Variants in OVCH1 observed in about 807,000 individuals in gnomAD.
The protein encoded by OVCH1 is ovochymase 1, also known as ovochymase-1.
Under a neutral mutation model 138.4 loss-of-function variants are expected in OVCH1, and 139 were observed. The ratio of observed to expected loss-of-function variants is 1.00; its 90% CI spans 0.87 to 1.16. The LOEUF is 1.16. OVCH1 is among the 50% of genes most tolerant of loss of function. OVCH1 has a pLI of 0.00. For synonymous variants in OVCH1, 453 were observed against 467.8 expected, an observed-to-expected ratio of 0.97 and a Z score of 0.41; for missense variants, 1,367 against 1,357.9, an observed-to-expected ratio of 1.01 and a Z score of -0.11.
In OVCH1 at chr12:29,449,292, C is replaced by CACAT. The variant is rs1215630287; in HGVS notation, c.2755+2052_2755+2053insATGT. 7.0e-5 allele frequency among the ~76,000 whole-genome samples: 10 copies of CACAT among 143,552 alleles called. No homozygotes were observed. The East Asian group carries it at 1.6e-3, about 23-fold the overall frequency. 94.2% of individuals were successfully genotyped at this position (143,552 alleles called of 152,430 possible). A position where few individuals can be genotyped will look rare whatever the true frequency, so the allele number is the denominator to read the frequency against. On this transcript the variant is annotated intron_variant, in intron 22 of 27. Coordinates refer to ENST00000318184, the Ensembl canonical transcript of OVCH1. ...CCCCCTCCCTACACACACACACACACACACACACACACACACACACACACA... is the reference window on the plus strand; with the variant it reads ...CCCCCTCCCTACACACACACACACACACATACACACACACACACACACACACACA...
At chr12:29,488,999 C>CT (rs3842288) in intron 6 of OVCH1, among the ~76,000 whole-genome samples, 3,060 of 151,870 alleles carry the variant, frequency 0.02, 40 homozygotes, top group African/African-American at 0.039. Context: ...TTTCAAGCTG[C>CT]TTTTTGGCCA....
chr12:29,497,639 G>A (rs773277161), exon 1 of OVCH1: 66 of 1,613,824 alleles, frequency 4.1e-5, no homozygotes, highest in Middle Eastern at 3.3e-4. Context: ...TTCTGGGGTG[G>A]CCGATGACCA....
At chr12:29,456,368 A>AT (rs1941951192) in intron 19 of OVCH1, among the ~76,000 whole-genome samples, 1 of 152,190 alleles carries the variant, frequency 6.6e-6, no homozygotes, top group Non-Finnish European at 1.5e-5. Flanking sequence ...CTTATAGTTA[A>AT]TTTTTTGTAC....
intron 8 of OVCH1, 68 bp downstream of exon 8, chr12:29,486,182 C>T (rs908532108): frequency 1.4e-6 from 2 of 1,384,524 alleles, no homozygotes; most frequent in South Asian, 1.2e-5. Context: ...TGGTACAATC[C>T]TCCTGTTTGC....
At chr12:29,417,562 T>C (rs935587674) in intron 3 of OVCH1, among the ~76,000 whole-genome samples, 2 of 151,554 alleles carry the variant, frequency 1.3e-5, no homozygotes, top group African/African-American at 4.9e-5. Context: ...TAAGATATTA[T>C]CAGTGGGGGA....
At chr12:29,411,797 T>A, downstream of OVCH1, among the ~76,000 whole-genome samples, 1 of 46,360 alleles carries the variant, frequency 2.2e-5, no homozygotes, top group East Asian at 6.8e-4. Flanking sequence ...TTCTCAGATA[T>A]CCAGCTGCAT....
At chr12:29,487,217 G>C in intron 7 of OVCH1, 1 of 192,622 alleles carries the variant, frequency 5.2e-6, no homozygotes, top group Non-Finnish European at 1.1e-5. Flanking sequence ...CGACAGGTTT[G>C]GTATCTCCAG....
intron 8 of OVCH1, among the ~76,000 whole-genome samples, chr12:29,479,747 T>C (rs1592099447): frequency 6.6e-6 from 1 of 152,180 alleles, no homozygotes; most frequent in East Asian, 1.9e-4. Context: ...GTCAAGTATT[T>C]TATGCCCAGT....
intron 21 of OVCH1, among the ~76,000 whole-genome samples, 156 bp downstream of exon 21, chr12:29,454,685 A>T (rs768586581): frequency 2.0e-5 from 3 of 152,174 alleles, no homozygotes; most frequent in Admixed American, 2.0e-4. Flanking sequence ...CAACAATCTT[A>T]ATAACAACTC....
chr12:29,473,251 G>A (rs1369623465), intron 14 of OVCH1, 148 bp from the exon 15 acceptor site: 1 of 583,934 alleles, frequency 1.7e-6, no homozygotes, highest in Non-Finnish European at 3.0e-6. Context: ...TCCCAGAAAT[G>A]TGATTTCTTG....
At chr12:29,482,998 C>T (rs1942982144) in intron 8 of OVCH1, among the ~76,000 whole-genome samples, 1 of 152,206 alleles carries the variant, frequency 6.6e-6, no homozygotes, top group Non-Finnish European at 1.5e-5. Flanking sequence ...CTTCTAACTT[C>T]TACCCAGTGG....
intron 26 of OVCH1, chr12:29,433,837 A>C: frequency 7.2e-7 from 1 of 1,380,234 alleles, no homozygotes; most frequent in Non-Finnish European, 9.7e-7. Flanking sequence ...AAATGTTTTT[A>C]ATGGAAATGC....
chr12:29,496,819 T>C, intron 1 of OVCH1, 145 bp from the exon 2 acceptor site: 1 of 616,718 alleles, frequency 1.6e-6, no homozygotes, highest in Non-Finnish European at 2.8e-6. Flanking sequence ...TCTCTCAATA[T>C]TTTCTTCAGA....
At chr12:29,410,271 A>T (rs1940937939), downstream of OVCH1, among the ~76,000 whole-genome samples, 1 of 145,396 alleles carries the variant, frequency 6.9e-6, no homozygotes, top group Non-Finnish European at 1.5e-5. Context: ...CCAATTTGCC[A>T]GTCTTTGTCT....
intron 14 of OVCH1, among the ~76,000 whole-genome samples, chr12:29,473,662 C>T (rs540185933): frequency 2.8e-4 from 43 of 152,214 alleles, no homozygotes; most frequent in African/African-American, 8.9e-4. Flanking sequence ...CCTCGCCATT[C>T]AAGCTAGGAT....
At chr12:29,486,399 T>G (rs1943108519) in intron 7 of OVCH1, 51 bp from the exon 8 acceptor site, 1 of 1,368,828 alleles carries the variant, frequency 7.3e-7, no homozygotes. Flanking sequence ...ATCATTTAAA[T>G]AAAACATTTT....
intron 27 of OVCH1, among the ~76,000 whole-genome samples, chr12:29,429,964 A>G (rs777034212): frequency 1.1e-4 from 16 of 152,174 alleles, no homozygotes; most frequent in Non-Finnish European, 1.9e-4. Flanking sequence ...CCACTTCAAA[A>G]GCAAACAGCC....
chr12:29,427,404 G>GATC (rs1941197048), downstream of OVCH1, among the ~76,000 whole-genome samples: 1 of 152,186 alleles, frequency 6.6e-6, no homozygotes, highest in Non-Finnish European at 1.5e-5. Flanking sequence ...ATCAGGCCAT[G>GATC]ATCAATCCCT....
At chr12:29,458,079 T>C (rs559604699) in intron 19 of OVCH1, among the ~76,000 whole-genome samples, 2 of 152,196 alleles carry the variant, frequency 1.3e-5, no homozygotes, top group Admixed American at 6.5e-5. Context: ...TCTATGACTT[T>C]GTAGATGAAA....
Sources: gnomAD v4.1 joint callset for allele counts (sites outside exome capture counted in the v4.1 genomes callset) on GRCh38, gnomAD v4.1.1 for gene constraint, MANE v1.5 for transcripts, NCBI Gene and HGNC (gene_info 2026-07-23, HGNC 2026-07-21) for gene names.